CHMP6: variants seen among roughly 807,000 people sequenced by gnomAD.
CHMP6 encodes charged multivesicular body protein 6, also known as chromatin-modifying protein 6.
In CHMP6, 10 loss-of-function variants were observed where a neutral mutation model predicts 32.8. That is an observed-to-expected ratio of 0.30 (90% CI 0.19 to 0.52). The LOEUF is 0.52. Among genes scored for constraint, CHMP6 ranks in the 20% least tolerant of loss-of-function variants. The pLI is 0.97. For missense variants in CHMP6, 269 were observed against 263.8 expected, an observed-to-expected ratio of 1.02 and a Z score of -0.14; for synonymous variants, 123 against 105.8, an observed-to-expected ratio of 1.16 and a Z score of -1.00.
chr17:80,993,786 G>A (rs1292322831), intron 1 of CHMP6, among the ~76,000 whole-genome samples: 2 of 152,230 alleles, frequency 1.3e-5, no homozygotes, highest in African/African-American at 4.8e-5. Flanking sequence ...GGTTGGCAAA[G>A]GGGCAGGGAA....
intron 1 of CHMP6, 111 bp from the exon 2 acceptor site, chr17:80,994,470 C>A: frequency 2.3e-6 from 2 of 877,708 alleles, no homozygotes; most frequent in Non-Finnish European, 3.4e-6. Flanking sequence ...CAACCCTGCC[C>A]CATGAAGGAC....
chr17:80,994,464 C>T, intron 1 of CHMP6, 117 bp from the exon 2 acceptor site: 1 of 830,362 alleles, frequency 1.2e-6, no homozygotes, highest in Non-Finnish European at 1.8e-6. Context: ...GGAAGGCAAC[C>T]CTGCCCCATG....
chr17:80,998,144 G>C (rs1016419009), intron 6 of CHMP6, among the ~76,000 whole-genome samples: 42 of 152,324 alleles, frequency 2.8e-4, no homozygotes, highest in African/African-American at 9.6e-4. Context: ...GGTCTGTTGG[G>C]AGGAGCCTCC....
At chr17:80,994,510 C>A in intron 1 of CHMP6, 71 bp from the exon 2 acceptor site, 1 of 1,402,206 alleles carries the variant, frequency 7.1e-7, no homozygotes, top group South Asian at 1.3e-5. Flanking sequence ...GCCTCCATGC[C>A]TGGCGCTCAG....
intron 1 of CHMP6, 21 bp downstream of exon 1, chr17:80,992,002 T>C: frequency 7.1e-7 from 1 of 1,402,516 alleles, no homozygotes; most frequent in Non-Finnish European, 9.4e-7. Flanking sequence ...GGGCCCGGGG[T>C]CAGGGCTGGG....
chr17:80,993,462 G>A (rs542313873), intron 1 of CHMP6, among the ~76,000 whole-genome samples: 1 of 152,174 alleles, frequency 6.6e-6, no homozygotes, highest in Non-Finnish European at 1.5e-5. Context: ...TTGGCACGGC[G>A]AGGGGGAGAC....
intron 1 of CHMP6, among the ~76,000 whole-genome samples, chr17:80,993,532 A>G (rs942959068): frequency 1.1e-4 from 17 of 152,248 alleles, no homozygotes; most frequent in Admixed American, 5.2e-4. Context: ...CTGGCTTCCC[A>G]TGCGGAGTCT....
chr17:80,992,120 C>G (rs969023809), intron 1 of CHMP6, 139 bp downstream of exon 1: 2 of 504,886 alleles, frequency 4.0e-6, no homozygotes, highest in African/African-American at 4.1e-5. Flanking sequence ...GCAGCCGGGC[C>G]CCTCGGTCTC....
At chr17:80,993,277 T>TTC (rs1420616545) in intron 1 of CHMP6, among the ~76,000 whole-genome samples, 1 of 130,634 alleles carries the variant, frequency 7.7e-6, no homozygotes. Flanking sequence ...CTTTTTTTTT[T>TTC]CTGTTTTTCT....
chr17:80,993,463 AG>A (rs1165849979), intron 1 of CHMP6, among the ~76,000 whole-genome samples: 2 of 151,992 alleles, frequency 1.3e-5, no homozygotes, highest in Non-Finnish European at 2.9e-5. Flanking sequence ...TGGCACGGCG[AG>A]GGGGAGACTC....
chr17:80,991,846 C>A lies in CHMP6; in HGVS notation c.-73C>A, dbSNP rs573889244. The stretch of plus-strand genomic sequence containing the variant: ...GGCGCGGCCGCCGTAGCGGGAGGAC[C>A]CGAGCTACGGTGGCCGCGGGGCGGC... On this transcript the variant is annotated 5_prime_UTR_variant, in exon 1 of 8. Coordinates refer to ENST00000325167, the MANE Select transcript of CHMP6 (RefSeq NM_024591.5). 1,516 of 1,201,964 alleles carry A rather than the reference C, an allele frequency of 1.3e-3. 19 individuals are homozygous for A. The African/African-American group carries it at 0.022, about 17-fold the overall frequency. 74.5% of individuals were successfully genotyped at this position (1,201,964 alleles called of 1,614,324 possible).
Position 80,997,172 on chromosome 17 carries a change from CA to C in CHMP6, c.415-87del. 1.0e-5 allele frequency: 16 copies of C among 1,600,892 alleles called. No individual in the cohort carries two copies. In the South Asian group the frequency reaches 1.8e-4, roughly 18 times the overall value. ...ACATCCTAGAGCGGCCGCCTTCTCT[CA>C]AGGGGACGAGACCCAGCCACAGGCC... On this transcript the variant is annotated intron_variant, in intron 5 of 7. Coordinates refer to ENST00000325167, the MANE Select transcript of CHMP6 (RefSeq NM_024591.5).
rs11362653 is a variant in CHMP6 at position 80,997,348 on chromosome 17, G to GC, written c.495+14dup. ...GCTGAGCGCAATCACTCAGGTAACG[G>GC]CCCCCCCGGGACTGAGCACAGTCAC... On this transcript the variant is annotated splice_region_variant and intron_variant, in intron 6 of 7. Transcript: ENST00000325167. The GC allele has an allele frequency of 5.7e-5, 84 of 1,469,598 alleles. No homozygotes were observed. In the African/African-American group the frequency reaches 9.7e-4, roughly 17 times the overall value. 91.0% of individuals were successfully genotyped at this position (1,469,598 alleles called of 1,614,324 possible).
intron 7 of CHMP6, 118 bp from the exon 8 acceptor site, chr17:80,998,980 C>G: frequency 2.5e-6 from 3 of 1,190,450 alleles, no homozygotes; most frequent in Admixed American, 1.9e-5. Context: ...TGGGCGTGCC[C>G]TTCCCTAGTG....
At chr17:80,999,042 G>A in intron 7 of CHMP6, 56 bp from the exon 8 acceptor site, 1 of 1,604,710 alleles carries the variant, frequency 6.2e-7, no homozygotes, top group Non-Finnish European at 8.5e-7. Context: ...TCCCTCTCTG[G>A]AGGTCTCTGC....
chr17:80,992,146 TC>T, intron 1 of CHMP6, among the ~76,000 whole-genome samples, 165 bp downstream of exon 1: 1 of 151,156 alleles, frequency 6.6e-6, no homozygotes, highest in Admixed American at 6.6e-5. Flanking sequence ...CCTGCGTCCC[TC>T]CTCGCCCGCG....
In CHMP6 at chr17:80,998,368, A is replaced by G. The variant is rs772368783; in HGVS notation, c.498A>G (p.Glu166=). The change falls in exon 7 of 8, where the codon GAA becomes GAG. Residue 166 remains glutamate, a splice_region_variant and synonymous_variant. Transcript: ENST00000325167. ...ILEELSAITQ[E]QIELPEVPSE... ...GCCTTACCCTTTGCTTCTTGCAGGA[A>G]CAAATAGAGCTGCCAGAGGTTCCCT... 1 of 1,614,204 alleles carries G rather than the reference A, an allele frequency of 6.2e-7. No individual in the cohort carries two copies. The highest frequency in any genetic ancestry group is 1.1e-5 in the South Asian group (1 of 91,084).
chr17:80,999,217 G>A lies in CHMP6; in HGVS notation c.*64G>A. ...GGACTGTGGCCCACAGAGAGTTTGG[G>A]TCACGGCCAGCCCCTGACCGGGTTC... On this transcript the variant is annotated 3_prime_UTR_variant, in exon 8 of 8. Coordinates refer to ENST00000325167, the MANE Select transcript of CHMP6 (RefSeq NM_024591.5). 1 of 1,593,534 alleles carries A rather than the reference G, an allele frequency of 6.3e-7. No homozygotes were observed. The highest frequency in any genetic ancestry group is 8.6e-7 in the Non-Finnish European group (1 of 1,162,320).
At position 80,995,762 on chromosome 17, in the gene CHMP6, A is replaced by G. The variant is rs1018263389; in HGVS notation, c.348+4A>G. 6.2e-7 allele frequency: 1 copy of G among 1,613,464 alleles called. No homozygotes were observed. The highest frequency in any genetic ancestry group is 1.3e-5 in the African/African-American group (1 of 74,900). On this transcript the variant is annotated splice_donor_region_variant and intron_variant, in intron 4 of 7. Coordinates refer to ENST00000325167, the MANE Select transcript of CHMP6 (RefSeq NM_024591.5). ...GTGTCTGAACAAGATGCACCAGGTGAGTCTCTGCAGGGCCAGGGGCATGGA... is the reference window on the plus strand; with the variant it reads ...GTGTCTGAACAAGATGCACCAGGTGGGTCTCTGCAGGGCCAGGGGCATGGA...
Sources: allele counts gnomAD v4.1 joint callset (sites outside exome capture counted in the v4.1 genomes callset), GRCh38; gene constraint gnomAD v4.1.1; transcripts MANE v1.5; gene names NCBI Gene and HGNC (gene_info 2026-07-23, HGNC 2026-07-21).